Variants in SCHIP1 observed in about 807,000 individuals in gnomAD.
SCHIP1 encodes the protein schwannomin-interacting protein 1.
In SCHIP1, 8 loss-of-function variants were observed where a neutral mutation model predicts 29.7. The ratio of observed to expected loss-of-function variants is 0.27; its 90% CI spans 0.16 to 0.49. SCHIP1 has a LOEUF of 0.49. Among genes scored for constraint, SCHIP1 ranks in the 20% least tolerant of loss-of-function variants. SCHIP1 has a pLI of 0.99. For synonymous variants in SCHIP1, 76 were observed against 94.9 expected (o/e 0.80, Z 1.16); for missense variants, 193 against 294.6 (o/e 0.66, Z 2.52).
the SCHIP1 span, among the ~76,000 whole-genome samples, chr3:159,385,043 T>C: frequency 2.6e-5 from 4 of 152,156 alleles, no homozygotes; most frequent in African/African-American, 4.8e-5. Context: ...TCAATTTTGT[T>C]GATCCTTTCA....
chr3:159,821,612 G>A, the SCHIP1 span, among the ~76,000 whole-genome samples: 3 of 152,178 alleles, frequency 2.0e-5, no homozygotes, highest in African/African-American at 4.8e-5. Context: ...TCTGCAGTTC[G>A]AAGCATGACA....
chr3:159,721,309 T>C, the SCHIP1 span, among the ~76,000 whole-genome samples: 1 of 152,214 alleles, frequency 6.6e-6, no homozygotes, highest in Non-Finnish European at 1.5e-5. Flanking sequence ...AGAATAGAGT[T>C]TGCTTTTTAA....
the SCHIP1 span, among the ~76,000 whole-genome samples, chr3:159,334,245 G>GTT: frequency 6.6e-6 from 1 of 152,146 alleles, no homozygotes; most frequent in Non-Finnish European, 1.5e-5. Flanking sequence ...TGGCGAGACT[G>GTT]TCTGACCAGT....
intron 1 of SCHIP1, among the ~76,000 whole-genome samples, chr3:159,844,658 A>T (rs140921693): frequency 6.6e-6 from 1 of 152,380 alleles, no homozygotes; most frequent in Non-Finnish European, 1.5e-5. Context: ...TTTGATAGAC[A>T]GCTTAGAAAT....
chr3:159,723,053 T>G, the SCHIP1 span, among the ~76,000 whole-genome samples: 6 of 152,200 alleles, frequency 3.9e-5, no homozygotes, highest in African/African-American at 1.4e-4. Flanking sequence ...TTCCAGGAGC[T>G]GGGTAGGTGT....
chr3:159,490,649 T>G, the SCHIP1 span, among the ~76,000 whole-genome samples: 2 of 152,222 alleles, frequency 1.3e-5, no homozygotes, highest in Non-Finnish European at 2.9e-5. Flanking sequence ...TTAATTGATT[T>G]CCTATTAAGG....
At chr3:159,556,868 G>A in the SCHIP1 span, among the ~76,000 whole-genome samples, 3 of 150,544 alleles carry the variant, frequency 2.0e-5, no homozygotes, top group Non-Finnish European at 4.4e-5. Context: ...GTATACATAT[G>A]TAACAAACCT....
the SCHIP1 span, among the ~76,000 whole-genome samples, chr3:159,692,069 C>T: frequency 2.1e-5 from 3 of 144,058 alleles, no homozygotes; most frequent in Admixed American, 7.1e-5. Flanking sequence ...TCGCCCAGGC[C>T]GGACTGCGGA....
chr3:159,890,104 A>G (rs1489501327), intron 5 of SCHIP1, among the ~76,000 whole-genome samples: 5 of 152,042 alleles, frequency 3.3e-5, no homozygotes, highest in African/African-American at 7.2e-5. Flanking sequence ...CAAAAAAAAA[A>G]AAAGAAAGAA....
chr3:159,440,862 T>A, the SCHIP1 span, among the ~76,000 whole-genome samples: 1 of 152,214 alleles, frequency 6.6e-6, no homozygotes, highest in African/African-American at 2.4e-5. Context: ...GCTCCTGTAC[T>A]AGTAACTAAA....
the SCHIP1 span, among the ~76,000 whole-genome samples, chr3:159,388,800 G>A: frequency 3.3e-5 from 5 of 151,954 alleles, no homozygotes; most frequent in South Asian, 2.1e-4. Context: ...ATTTCAACTC[G>A]GGAAATGGAT....
the SCHIP1 span, among the ~76,000 whole-genome samples, chr3:159,719,751 A>T: frequency 1.3e-5 from 2 of 152,228 alleles, no homozygotes; most frequent in Non-Finnish European, 2.9e-5. Flanking sequence ...GCTGGAGAAG[A>T]TGTGGAGAAA....
chr3:159,587,285 A>C, the SCHIP1 span, among the ~76,000 whole-genome samples: 18 of 152,294 alleles, frequency 1.2e-4, no homozygotes, highest in Non-Finnish European at 2.6e-4. Flanking sequence ...ATTTTCTTTT[A>C]AACGAAAGTA....
At chr3:159,865,490 A>C (rs1422923153) in intron 1 of SCHIP1, among the ~76,000 whole-genome samples, 1 of 152,238 alleles carries the variant, frequency 6.6e-6, no homozygotes, top group Non-Finnish European at 1.5e-5. Flanking sequence ...AATATGAAAC[A>C]GATGGGCCCA....
At chr3:159,336,681 G>C in the SCHIP1 span, among the ~76,000 whole-genome samples, 1 of 152,052 alleles carries the variant, frequency 6.6e-6, no homozygotes, top group Admixed American at 6.6e-5. Context: ...TCTGAGGGCT[G>C]TGTTCTTTTC....
At chr3:159,277,673 G>A in the SCHIP1 span, among the ~76,000 whole-genome samples, 2 of 146,388 alleles carry the variant, frequency 1.4e-5, no homozygotes, top group African/African-American at 2.4e-5. Context: ...TGTAACCCCA[G>A]CACTTTGGGA....
the SCHIP1 span, among the ~76,000 whole-genome samples, chr3:159,383,473 C>G: frequency 2.4e-3 from 371 of 151,594 alleles, 6 homozygotes; most frequent in African/African-American, 8.2e-3. Context: ...CTATATCTCT[C>G]TTTTGGTACC....
the SCHIP1 span, among the ~76,000 whole-genome samples, chr3:159,729,435 T>A: frequency 6.6e-6 from 1 of 152,148 alleles, no homozygotes; most frequent in South Asian, 2.1e-4. Context: ...TATTTACAGA[T>A]GATATGATCG....
At chr3:159,712,622 A>G in the SCHIP1 span, among the ~76,000 whole-genome samples, 44,159 of 151,722 alleles carry the variant, frequency 0.29, 9,416 homozygotes, top group African/African-American at 0.6. Context: ...AGGCTGAGGC[A>G]GGAGGACCAC....
Sources: gnomAD v4.1 joint callset for allele counts (sites outside exome capture counted in the v4.1 genomes callset) on GRCh38, gnomAD v4.1.1 for gene constraint, MANE v1.5 for transcripts, NCBI Gene and HGNC (gene_info 2026-07-23, HGNC 2026-07-21) for gene names.